The following ENAH variants were observed in gnomAD, a reference collection of about 807,000 sequenced individuals.
ENAH encodes ENAH actin regulator, also known as protein enabled homolog.
In ENAH, 23 loss-of-function variants were observed where a neutral mutation model predicts 78.7. The observed-to-expected ratio is 0.29, with a 90% CI of 0.21 to 0.41. The LOEUF is 0.41. Among genes scored for constraint, ENAH ranks in the 10% least tolerant of loss-of-function variants. The probability of loss-of-function intolerance (pLI) is 1.00; values close to 1 mark genes in which losing one functional copy is unlikely to be tolerated. For synonymous variants in ENAH, 226 were observed against 241.0 expected (o/e 0.94, Z 0.58); for missense variants, 544 against 691.0 (o/e 0.79, Z 2.39).
chr1:225,566,147 A>C (rs1439270791), intron 2 of ENAH, among the ~76,000 whole-genome samples: 1 of 152,008 alleles, frequency 6.6e-6, no homozygotes, highest in African/African-American at 2.4e-5. Flanking sequence ...GGGAGCTTCT[A>C]AGCCAGCTAA....
chr1:225,561,253 A>T (rs2096703979), intron 2 of ENAH, among the ~76,000 whole-genome samples: 1 of 152,046 alleles, frequency 6.6e-6, no homozygotes, highest in East Asian at 1.9e-4. Context: ...AATTTTTTTT[A>T]ATCTGAATTA....
In ENAH at chr1:225,497,845, TATAATG is replaced by T. The variant is rs541641304; in HGVS notation, c.1676-39_1676-34del. 235 of 1,591,082 alleles carry T rather than the reference TATAATG, an allele frequency of 1.5e-4. 1 individual carries two copies. In the African/African-American group the frequency reaches 2.9e-3, roughly 20 times the overall value. ...GAAAAGAACAAGTATTGAAAATAAA[TATAATG>T]ATAAAGTAAGATAAATGAGTGATTC... is the stretch of plus-strand genomic sequence containing the variant. On this transcript the variant is annotated intron_variant, in intron 13 of 13. Transcript: ENST00000366843.
intron 1 of ENAH, among the ~76,000 whole-genome samples, chr1:225,605,040 C>T (rs1008078100): frequency 2.0e-5 from 3 of 152,206 alleles, no homozygotes; most frequent in Non-Finnish European, 2.9e-5. Context: ...TGAATATCCA[C>T]TGACTCAGCA....
chr1:225,632,811 C>T (rs1326229552), intron 1 of ENAH, among the ~76,000 whole-genome samples: 1 of 152,160 alleles, frequency 6.6e-6, no homozygotes, highest in Non-Finnish European at 1.5e-5. Context: ...AGTCATTAAT[C>T]CAGTGGAAAA....
intron 3 of ENAH, among the ~76,000 whole-genome samples, chr1:225,540,977 C>A (rs927632419): frequency 6.6e-5 from 10 of 152,232 alleles, no homozygotes; most frequent in Admixed American, 2.0e-4. Flanking sequence ...ACAAAAAAAA[C>A]CCCACATATT....
At chr1:225,576,275 C>CAAAA in intron 1 of ENAH, among the ~76,000 whole-genome samples, 2 of 82,524 alleles carry the variant, frequency 2.4e-5, no homozygotes, top group African/African-American at 9.1e-5. Context: ...GACTCTGTCT[C>CAAAA]AAAAAAAAAA....
intron 11 of ENAH, among the ~76,000 whole-genome samples, chr1:225,505,960 A>G (rs561130657): frequency 1.3e-5 from 2 of 152,256 alleles, no homozygotes; most frequent in Admixed American, 1.3e-4. Flanking sequence ...TGACCTTTAG[A>G]GCACTTATTA....
chr1:225,498,854 C>T (rs1288956046), intron 12 of ENAH, among the ~76,000 whole-genome samples: 1 of 152,112 alleles, frequency 6.6e-6, no homozygotes, highest in Non-Finnish European at 1.5e-5. Flanking sequence ...CAGGAATCAC[C>T]ATAGCTGCCA....
chr1:225,548,564 C>T (rs776437529), intron 3 of ENAH, among the ~76,000 whole-genome samples: 2 of 152,176 alleles, frequency 1.3e-5, no homozygotes, highest in Non-Finnish European at 2.9e-5. Context: ...GCCAGACAAA[C>T]GCAGTAAAAA....
intron 3 of ENAH, among the ~76,000 whole-genome samples, chr1:225,554,256 C>A (rs922058278): frequency 2.6e-5 from 4 of 152,130 alleles, no homozygotes; most frequent in African/African-American, 9.7e-5. Context: ...CACACTGGTA[C>A]ATTTTTCTAT....
intron 3 of ENAH, among the ~76,000 whole-genome samples, chr1:225,549,042 G>GTT (rs2096629303): frequency 9.2e-5 from 14 of 151,766 alleles, no homozygotes; most frequent in Non-Finnish European, 1.5e-5. Flanking sequence ...TAGAGATGAG[G>GTT]TTTCACCATA....
chr1:225,585,482 C>T (rs1483569411), intron 1 of ENAH, among the ~76,000 whole-genome samples: 2 of 151,204 alleles, frequency 1.3e-5, no homozygotes, highest in African/African-American at 2.4e-5. Context: ...ATATGCTGGG[C>T]CATAAAAAAA....
intron 1 of ENAH, among the ~76,000 whole-genome samples, chr1:225,634,228 T>C (rs892843152): frequency 1.2e-4 from 19 of 152,220 alleles, no homozygotes; most frequent in Non-Finnish European, 2.1e-4. Flanking sequence ...GTGCATTTTG[T>C]AATAAAAGTA....
chr1:225,561,294 G>C (rs939148401), intron 2 of ENAH, among the ~76,000 whole-genome samples: 12 of 151,682 alleles, frequency 7.9e-5, no homozygotes, highest in Non-Finnish European at 1.6e-4. Context: ...ATTGAGGATA[G>C]ACAGTACTGC....
In ENAH at chr1:225,497,228, T is replaced by C. The variant is rs1237453234; in HGVS notation, c.*547A>G. ...TATAAATATTACCCTTTGAAAGCAC[T>C]TACAATTCCATTTGTTCCACATATT... is the stretch of plus-strand genomic sequence containing the variant. On this transcript the variant is annotated 3_prime_UTR_variant, in exon 14 of 14. Transcript: ENST00000366843. 1 of 152,672 alleles carries C rather than the reference T, an allele frequency of 6.5e-6. No individual in the cohort carries two copies. Among genetic ancestry groups the C allele is most frequent in the Admixed American group, 6.5e-5 (1 of 15,280 alleles). 9.5% of individuals were successfully genotyped at this position (152,672 alleles called of 1,614,324 possible).
intron 2 of ENAH, among the ~76,000 whole-genome samples, chr1:225,559,157 A>T (rs2096685820): frequency 6.6e-6 from 1 of 152,124 alleles, no homozygotes; most frequent in Non-Finnish European, 1.5e-5. Flanking sequence ...TATTCAGCTC[A>T]ACCAATTTTT....
chr1:225,559,824 A>G (rs1437850316), intron 2 of ENAH, among the ~76,000 whole-genome samples: 2 of 152,176 alleles, frequency 1.3e-5, no homozygotes, highest in African/African-American at 4.8e-5. Flanking sequence ...AGCACGCAGA[A>G]AATCTCCCCC....
At chr1:225,527,733 T>C (rs2096516431) in intron 4 of ENAH, among the ~76,000 whole-genome samples, 1 of 152,176 alleles carries the variant, frequency 6.6e-6, no homozygotes, top group Admixed American at 6.5e-5. Context: ...GCACGTGTGT[T>C]TGCATCGCCT....
At chr1:225,598,310 TAGA>T (rs773257435) in intron 1 of ENAH, among the ~76,000 whole-genome samples, 9 of 142,010 alleles carry the variant, frequency 6.3e-5, no homozygotes, top group South Asian at 4.5e-4. Flanking sequence ...GAGTGAAAAA[TAGA>T]AGAAGAAAGT....
Sources: gnomAD v4.1 joint callset for allele counts (sites outside exome capture counted in the v4.1 genomes callset) on GRCh38, gnomAD v4.1.1 for gene constraint, MANE v1.5 for transcripts, NCBI Gene and HGNC (gene_info 2026-07-23, HGNC 2026-07-21) for gene names.